SGTB: variants seen among roughly 807,000 people sequenced by gnomAD.
SGTB encodes small glutamine-rich tetratricopeptide repeat-containing protein beta.
Under a neutral mutation model 43.9 loss-of-function variants are expected in SGTB, and 19 were observed. That is an observed-to-expected ratio of 0.43 (90% CI 0.30 to 0.63). SGTB has a LOEUF of 0.63. Among genes scored for constraint, SGTB ranks in the 30% least tolerant of loss-of-function variants. SGTB has a pLI of 0.12. For synonymous variants in SGTB, 116 were observed against 117.3 expected (o/e 0.99, Z 0.07); for missense variants, 304 against 358.9 (o/e 0.85, Z 1.24).
At chr5:65,680,934 A>G in intron 6 of SGTB, 140 bp from the exon 7 acceptor site, 1 of 910,938 alleles carries the variant, frequency 1.1e-6, no homozygotes, top group Non-Finnish European at 1.6e-6. Context: ...ACTATGGCTC[A>G]CGGGAGCAAA....
chr5:65,699,081 CAT>C (rs1412933157), intron 5 of SGTB, among the ~76,000 whole-genome samples: 4 of 152,190 alleles, frequency 2.6e-5, no homozygotes, highest in African/African-American at 9.7e-5. Flanking sequence ...CACCTGCACA[CAT>C]GTGTTTATTG....
At position 65,722,082 on chromosome 5, in the gene SGTB, C is replaced by T. The variant is rs189429786; in HGVS notation, c.-188G>A. 2,448 of 166,228 alleles carry T rather than the reference C, an allele frequency of 0.015. 72 individuals carry two copies. Among genetic ancestry groups the T allele is most frequent in the African/African-American group, 0.055 (2,302 of 41,880 alleles). 10.3% of individuals were successfully genotyped at this position (166,228 alleles called of 1,614,324 possible). A position where few individuals can be genotyped will look rare whatever the true frequency, so the allele number is the denominator to read the frequency against. On this transcript the variant is annotated 5_prime_UTR_variant, in exon 1 of 11. Transcript: ENST00000381007. ...GCCGTAGACCCCAGAACCCACCAGG[C>T]TGTGCTCTCTCTCAGGCGGCAGGGT...
intron 4 of SGTB, among the ~76,000 whole-genome samples, chr5:65,706,258 T>C (rs553503805): frequency 1.3e-5 from 2 of 152,316 alleles, no homozygotes; most frequent in East Asian, 3.9e-4. Context: ...CATTGTTTTT[T>C]ATGAAGAAAC....
chr5:65,701,009 C>CAAAAAAAA (rs1161067337), intron 5 of SGTB, among the ~76,000 whole-genome samples: 3 of 16,116 alleles, frequency 1.9e-4, no homozygotes, highest in African/African-American at 3.8e-4. Flanking sequence ...GACTCCGTCT[C>CAAAAAAAA]AAAAAAAAAA....
At chr5:65,720,402 G>A (rs1338967351) in intron 2 of SGTB, among the ~76,000 whole-genome samples, 2 of 152,036 alleles carry the variant, frequency 1.3e-5, no homozygotes, top group Non-Finnish European at 2.9e-5. Context: ...TTTCTCACTT[G>A]TTAAATGGGG....
In SGTB at chr5:65,670,200, C is replaced by G. The variant is rs1252744264; in HGVS notation, c.*46G>C. The G allele has an allele frequency of 1.3e-6, 2 of 1,548,354 alleles. No homozygotes were observed. Among genetic ancestry groups the G allele is most frequent in the Non-Finnish European group, 1.8e-6 (2 of 1,122,362 alleles). ...TACTATCTACAACAAATACTTCATT[C>G]ATAGCCATAAACCATTTGTATCTTG... On this transcript the variant is annotated 3_prime_UTR_variant, in exon 11 of 11. Transcript: ENST00000381007.
intron 5 of SGTB, among the ~76,000 whole-genome samples, chr5:65,700,440 G>A (rs576142853): frequency 1.1e-4 from 16 of 151,288 alleles, no homozygotes; most frequent in African/African-American, 3.2e-4. Context: ...AGGCCGAGGC[G>A]GGTGGATCAC....
Position 65,691,305 on chromosome 5 carries a change from A to G in SGTB, c.375-5833T>C, listed in dbSNP as rs145809701. ...TGGTTTCTAAATACATCCTCCACTG[A>G]AAAGGACAGAGCTTCCTTGGAGAAA... is the stretch of plus-strand genomic sequence containing the variant. On this transcript the variant is annotated intron_variant, in intron 5 of 10. Coordinates refer to ENST00000381007, the MANE Select transcript of SGTB (RefSeq NM_019072.3). Among the ~76,000 whole-genome samples the G allele has an allele frequency of 4.0e-4, 61 of 152,338 alleles. No homozygotes were observed. The East Asian group carries it at 0.011, about 28-fold the overall frequency.
intron 4 of SGTB, among the ~76,000 whole-genome samples, chr5:65,706,725 G>A (rs1399134205): frequency 1.3e-5 from 2 of 151,522 alleles, no homozygotes; most frequent in Non-Finnish European, 2.9e-5. Flanking sequence ...CCAGCTACTC[G>A]GGAGGCTGAG....
chr5:65,697,824 T>C (rs939879055), intron 5 of SGTB, among the ~76,000 whole-genome samples: 2 of 152,168 alleles, frequency 1.3e-5, no homozygotes, highest in African/African-American at 2.4e-5. Context: ...CAGGTGGCCA[T>C]AGATACAAAA....
chr5:65,689,520 T>A (rs1420431758), intron 5 of SGTB, among the ~76,000 whole-genome samples: 2 of 152,154 alleles, frequency 1.3e-5, no homozygotes, highest in Admixed American at 1.3e-4. Flanking sequence ...TATAAACCAA[T>A]TATATTGGTT....
chr5:65,698,122 A>C (rs1219014868), intron 5 of SGTB, among the ~76,000 whole-genome samples: 1 of 152,174 alleles, frequency 6.6e-6, no homozygotes, highest in Non-Finnish European at 1.5e-5. Flanking sequence ...GGCACCCTCC[A>C]CCATGCCTGG....
Position 65,713,025 on chromosome 5 carries a change from G to C in SGTB, c.140C>G (p.Pro47Arg). 1 of 1,613,442 alleles carries C rather than the reference G, an allele frequency of 6.2e-7. No homozygotes were observed. Among genetic ancestry groups the C allele is most frequent in the Non-Finnish European group, 8.5e-7 (1 of 1,179,796 alleles). ...TGAAACTGCTAGGTGTGTATCTTCT[G>C]GGCTGATCTTAAAAACTGTCTCCAA... ...QCLETVFKIS[P>R]EDTHLAVSQP... The change falls in exon 3 of 11, where the codon CCA (proline) becomes CGA (arginine). Residue 47 changes from proline (P) to arginine (R), a missense_variant. Coordinates refer to ENST00000381007, the MANE Select transcript of SGTB (RefSeq NM_019072.3).
rs376266378 is a variant in SGTB, at chr5:65,718,864, A to AT, written c.100+1843_100+1844insA. 8.5e-3 allele frequency among the ~76,000 whole-genome samples: 1,280 copies of AT among 151,228 alleles called. 21 individuals are homozygous for AT. The highest frequency in any genetic ancestry group is 0.03 in the African/African-American group (1,229 of 41,238). On this transcript the variant is annotated intron_variant, in intron 2 of 10. Transcript: ENST00000381007. ...CATAACATCTTGGTTTGAAAAAAAA[A>AT]CCCTCAATTTTCTTTCTGGCCCTTA...
At chr5:65,715,720 G>T (rs573770716) in intron 2 of SGTB, among the ~76,000 whole-genome samples, 1 of 152,248 alleles carries the variant, frequency 6.6e-6, no homozygotes. Context: ...GGGTAAGGAG[G>T]ATGGAGAGTG....
At chr5:65,688,248 G>C (rs906923700) in intron 5 of SGTB, among the ~76,000 whole-genome samples, 1 of 152,164 alleles carries the variant, frequency 6.6e-6, no homozygotes, top group Non-Finnish European at 1.5e-5. Flanking sequence ...CGGAGCATGA[G>C]ATATATACTA....
In SGTB at chr5:65,717,785, T is replaced by A. The variant is rs992680397; in HGVS notation, c.100+2923A>T. The stretch of plus-strand genomic sequence containing the variant: ...TTAAAGGTCTACTTGAAGTTCACAG[T>A]CATGAATTTAAAGTGGGACTAGTCA... On this transcript the variant is annotated intron_variant, in intron 2 of 10. Coordinates refer to ENST00000381007, the MANE Select transcript of SGTB (RefSeq NM_019072.3). 3.3e-5 allele frequency among the ~76,000 whole-genome samples: 5 copies of A among 152,182 alleles called. No individual in the cohort carries two copies. The South Asian group carries it at 1.0e-3, about 31-fold the overall frequency.
chr5:65,714,215 G>A (rs186510789), intron 2 of SGTB, among the ~76,000 whole-genome samples: 12 of 152,184 alleles, frequency 7.9e-5, no homozygotes, highest in African/African-American at 2.9e-4. Context: ...TAATCTTGGT[G>A]TACTTATGTG....
intron 4 of SGTB, among the ~76,000 whole-genome samples, chr5:65,707,680 A>T (rs1312371052): frequency 1.3e-5 from 2 of 152,050 alleles, no homozygotes; most frequent in African/African-American, 4.8e-5. Flanking sequence ...TGATCCACCC[A>T]CCTCGGCCTC....
Sources: allele counts gnomAD v4.1 joint callset (sites outside exome capture counted in the v4.1 genomes callset), GRCh38; gene constraint gnomAD v4.1.1; transcripts MANE v1.5; gene names NCBI Gene and HGNC (gene_info 2026-07-23, HGNC 2026-07-21).